Variants in CA6 observed in about 807,000 individuals in gnomAD.
The protein encoded by CA6 is carbonic anhydrase 6.
CA6 carries 28 observed loss-of-function variants against 35.9 expected under a neutral mutation model. The ratio of observed to expected loss-of-function variants is 0.78; its 90% CI spans 0.58 to 1.07. CA6 has a LOEUF of 1.07. Among genes scored for constraint, CA6 ranks in the 50% least tolerant of loss-of-function variants. CA6 has a pLI of 0.00. For missense variants in CA6, 377 were observed against 382.0 expected (o/e 0.99, Z 0.11); for synonymous variants, 148 against 152.6 (o/e 0.97, Z 0.22).
At chr1:8,973,314 C>G (rs190074526) in intron 7 of CA6, among the ~76,000 whole-genome samples, 2 of 152,258 alleles carry the variant, frequency 1.3e-5, no homozygotes, top group African/African-American at 2.4e-5. Context: ...TCACTGTGCC[C>G]GGCCTGTCTC....
intron 2 of CA6, among the ~76,000 whole-genome samples, chr1:8,953,769 TA>T (rs1296837783): frequency 3.3e-5 from 5 of 152,150 alleles, no homozygotes; most frequent in Non-Finnish European, 7.4e-5. Context: ...CCATCTTGAA[TA>T]GGGGGTGGGT....
chr1:8,974,214 C>T, intron 7 of CA6: 1 of 568,150 alleles, frequency 1.8e-6, no homozygotes, highest in Non-Finnish European at 3.0e-6. Context: ...GAACTGTATC[C>T]CAGCGGGGTT....
At chr1:8,956,864 T>C (rs1639698556) in intron 2 of CA6, among the ~76,000 whole-genome samples, 1 of 152,194 alleles carries the variant, frequency 6.6e-6, no homozygotes, top group East Asian at 1.9e-4. Flanking sequence ...CTCTGGCCTG[T>C]TGGTTCTGGG....
chr1:8,966,361 C>T (rs532803215), intron 5 of CA6, among the ~76,000 whole-genome samples: 6 of 152,142 alleles, frequency 3.9e-5, no homozygotes, highest in Middle Eastern at 3.4e-3. Context: ...CCACCCGCCT[C>T]GGCCTCCCAA....
At chr1:8,949,199 G>A in intron 1 of CA6, 64 bp from the exon 2 acceptor site, 3 of 1,328,120 alleles carry the variant, frequency 2.3e-6, no homozygotes, top group Non-Finnish European at 3.1e-6. Context: ...CCTCTGGCCT[G>A]GTGAGGTTCC....
chr1:8,966,119 A>AT (rs554495466), intron 5 of CA6, among the ~76,000 whole-genome samples: 4 of 150,766 alleles, frequency 2.7e-5, no homozygotes, highest in Non-Finnish European at 5.9e-5. Context: ...TTTAATTTTA[A>AT]TTTTTTTTTG....
At position 8,973,798 on chromosome 1, in the gene CA6, CCTCT is replaced by C. The variant is rs59202016; in HGVS notation, c.845-805_845-802del. ...TTTCTTTCTTTCTTTTCCCTCCCTC[CCTCT>C]CTCTCTCTCTCTCTCTCTTTCTTCC... On this transcript the variant is annotated intron_variant, in intron 7 of 7. Coordinates refer to ENST00000377443, the MANE Select transcript of CA6 (RefSeq NM_001215.4). Among the ~76,000 whole-genome samples, 1,029 of 119,474 alleles carry C rather than the reference CCTCT, an allele frequency of 8.6e-3. 86 individuals carry two copies. The highest frequency in any genetic ancestry group is 0.012 in the Non-Finnish European group (694 of 56,000). The allele number at this position is 119,474 out of a possible 152,430, so 78.4% of individuals were successfully genotyped here. A position where few individuals can be genotyped will look rare whatever the true frequency, so the allele number is the denominator to read the frequency against.
chr1:8,965,918 T>C (rs2124180900), intron 5 of CA6, among the ~76,000 whole-genome samples: 1 of 151,944 alleles, frequency 6.6e-6, no homozygotes, highest in East Asian at 1.9e-4. Context: ...GTATATTCCA[T>C]TGTGTGGATA....
chr1:8,951,661 C>T, intron 2 of CA6: 1 of 765,116 alleles, frequency 1.3e-6, no homozygotes, highest in Non-Finnish European at 2.4e-6. Context: ...GCAGCGGCTC[C>T]CGCCTCCCAA....
Position 8,948,883 on chromosome 1 carries a change from T to A in CA6, c.80-380T>A, listed in dbSNP as rs1372706524. Among the ~76,000 whole-genome samples, 5 of 150,388 alleles carry A rather than the reference T, an allele frequency of 3.3e-5. No individual in the cohort carries two copies. In the East Asian group the frequency reaches 7.8e-4, roughly 24 times the overall value. On this transcript the variant is annotated intron_variant, in intron 1 of 7. Transcript: ENST00000377443. ...TACTCCGGAGGCTGATGCCGGATAATCTCTTGAATCTGGGAGGCAGAGGTT... is the reference window on the plus strand; with the variant it reads ...TACTCCGGAGGCTGATGCCGGATAAACTCTTGAATCTGGGAGGCAGAGGTT...
intron 6 of CA6, among the ~76,000 whole-genome samples, chr1:8,969,473 C>T (rs904746696): frequency 6.6e-6 from 1 of 151,696 alleles, no homozygotes; most frequent in Non-Finnish European, 1.5e-5. Flanking sequence ...ACATTGTGTA[C>T]TGGAAAGGTC....
intron 4 of CA6, among the ~76,000 whole-genome samples, chr1:8,961,063 C>T (rs1214585580): frequency 6.6e-6 from 1 of 152,152 alleles, no homozygotes; most frequent in Admixed American, 6.6e-5. Flanking sequence ...CATCAGAACA[C>T]AGTGGAATGA....
chr1:8,950,128 C>A (rs989133497), intron 2 of CA6, among the ~76,000 whole-genome samples: 3 of 151,098 alleles, frequency 2.0e-5, no homozygotes, highest in African/African-American at 7.4e-5. Context: ...TACAGGCATG[C>A]ACCACCATGC....
At chr1:8,946,104 G>A in intron 1 of CA6, 139 bp downstream of exon 1, 2 of 604,274 alleles carry the variant, frequency 3.3e-6, no homozygotes, top group Non-Finnish European at 5.8e-6. Flanking sequence ...GTAGTGTGAT[G>A]TTGGCTCACT....
At chr1:8,966,937 C>A (rs184997454) in intron 5 of CA6, among the ~76,000 whole-genome samples, 27 of 152,042 alleles carry the variant, frequency 1.8e-4, no homozygotes, top group Admixed American at 1.8e-3. Flanking sequence ...ATGCCTGTAC[C>A]TGGACCCTGG....
At chr1:8,960,789 C>CACACACACAT (rs59987426) in intron 4 of CA6, among the ~76,000 whole-genome samples, 53 of 116,968 alleles carry the variant, frequency 4.5e-4, no homozygotes, top group African/African-American at 1.4e-3. Context: ...CACACACACA[C>CACACACACAT]ATATATATAA....
At chr1:8,954,670 T>A (rs1194998941) in intron 2 of CA6, among the ~76,000 whole-genome samples, 1 of 152,200 alleles carries the variant, frequency 6.6e-6, no homozygotes, top group Non-Finnish European at 1.5e-5. Context: ...CTCCACTTAT[T>A]TAGTTCTTCC....
intron 5 of CA6, among the ~76,000 whole-genome samples, chr1:8,964,243 C>T (rs1250167441): frequency 3.3e-5 from 5 of 152,190 alleles, no homozygotes; most frequent in Admixed American, 6.6e-5. Flanking sequence ...TGATTTCTCT[C>T]TCTCTCTCTC....
chr1:8,959,811 A>C (rs537311027), intron 4 of CA6, among the ~76,000 whole-genome samples: 2 of 151,866 alleles, frequency 1.3e-5, no homozygotes, highest in East Asian at 3.9e-4. Context: ...AGGCGCCTGT[A>C]ATTCCAGCTA....
Sources: gnomAD v4.1 joint callset for allele counts (sites outside exome capture counted in the v4.1 genomes callset) on GRCh38, gnomAD v4.1.1 for gene constraint, MANE v1.5 for transcripts, NCBI Gene and HGNC (gene_info 2026-07-23, HGNC 2026-07-21) for gene names.